Variants in RPTOR observed in about 807,000 individuals in gnomAD.
RPTOR encodes the protein regulatory associated protein of MTOR complex 1.
In RPTOR, 21 loss-of-function variants were observed where a neutral mutation model predicts 169.9. That is an observed-to-expected ratio of 0.12 (90% CI 0.09 to 0.18). RPTOR has a LOEUF of 0.18. RPTOR is among the 10% of genes least tolerant of loss of function. The pLI, the probability that RPTOR is intolerant of heterozygous loss-of-function variation, is 1.00. For missense variants in RPTOR, 1,133 were observed against 1,855.9 expected (o/e 0.61, Z 7.16); for synonymous variants, 732 against 753.2 (o/e 0.97, Z 0.46).
At chr17:80,622,024 A>G (rs987239539) in intron 1 of RPTOR, among the ~76,000 whole-genome samples, 6 of 152,184 alleles carry the variant, frequency 3.9e-5, no homozygotes, top group Non-Finnish European at 8.8e-5. Flanking sequence ...GGAGCCTAAC[A>G]TCAGTTTAAG....
At chr17:80,634,916 CTG>C (rs201559974) in intron 2 of RPTOR, among the ~76,000 whole-genome samples, 1 of 150,634 alleles carries the variant, frequency 6.6e-6, no homozygotes, top group Admixed American at 6.6e-5. Flanking sequence ...CGTGTGCATA[CTG>C]TGTGTGCATA....
chr17:80,921,480 T>G (rs1029612018), intron 21 of RPTOR, among the ~76,000 whole-genome samples: 2 of 152,136 alleles, frequency 1.3e-5, no homozygotes, highest in Admixed American at 1.3e-4. Context: ...CCTCGCGAGG[T>G]CATGTCGGTG....
At chr17:80,795,170 A>C (rs1598308766) in intron 7 of RPTOR, among the ~76,000 whole-genome samples, 1 of 152,326 alleles carries the variant, frequency 6.6e-6, no homozygotes, top group South Asian at 2.1e-4. Context: ...GGGCCTGGGG[A>C]GCGAGGGGTG....
rs757801120 is a variant in RPTOR at position 80,844,641 on chromosome 17, C to T, written c.1213-1832C>T. 5.9e-5 allele frequency among the ~76,000 whole-genome samples: 9 copies of T among 152,224 alleles called. No individual in the cohort carries two copies. Among genetic ancestry groups the T allele is most frequent in the Non-Finnish European group, 8.8e-5 (6 of 68,048 alleles). ...TCTGTAAGCTGGCTGCACAGGAGCA[C>T]GGATTCCTACGTGGTGAATGTTCTC... On this transcript the variant is annotated intron_variant, in intron 10 of 33. Coordinates refer to ENST00000306801, the MANE Select transcript of RPTOR (RefSeq NM_020761.3). The surrounding 1 kb of genome is among the most constrained non-coding windows in gnomAD (Gnocchi z 4.7).
intron 21 of RPTOR, among the ~76,000 whole-genome samples, chr17:80,918,336 G>C (rs904730723): frequency 6.6e-6 from 1 of 152,204 alleles, no homozygotes; most frequent in Non-Finnish European, 1.5e-5. Flanking sequence ...CCAGGCTCTG[G>C]GGTGGCGGCC....
intron 1 of RPTOR, among the ~76,000 whole-genome samples, chr17:80,574,210 T>C (rs2143324132): frequency 6.7e-6 from 1 of 148,724 alleles, no homozygotes; most frequent in Admixed American, 6.7e-5. Context: ...CAGGCCGGAC[T>C]GCGGACTGCA....
At chr17:80,814,308 A>T (rs2067302575) in intron 7 of RPTOR, among the ~76,000 whole-genome samples, 1 of 152,194 alleles carries the variant, frequency 6.6e-6, no homozygotes, top group African/African-American at 2.4e-5. Context: ...AAAGAATTAA[A>T]ATCATCCATT....
At chr17:80,901,381 T>TC (rs1359668210) in intron 20 of RPTOR, among the ~76,000 whole-genome samples, 1 of 151,136 alleles carries the variant, frequency 6.6e-6, no homozygotes, top group Non-Finnish European at 1.5e-5. Context: ...ATTCCTGACT[T>TC]TTTTTTTTTT....
At chr17:80,696,609 G>C (rs970293612) in intron 3 of RPTOR, among the ~76,000 whole-genome samples, 1 of 152,224 alleles carries the variant, frequency 6.6e-6, no homozygotes, top group Non-Finnish European at 1.5e-5. Flanking sequence ...GGGCAAGGCC[G>C]GCTGGTGCGT....
chr17:80,782,134 T>C (rs2066947991), intron 6 of RPTOR, among the ~76,000 whole-genome samples: 3 of 152,186 alleles, frequency 2.0e-5, no homozygotes, highest in Non-Finnish European at 2.9e-5. Flanking sequence ...GGGTTGTCAC[T>C]GAGTAGTAAG....
intron 1 of RPTOR, among the ~76,000 whole-genome samples, chr17:80,551,202 A>T (rs970496622): frequency 6.6e-6 from 1 of 152,102 alleles, no homozygotes; most frequent in Non-Finnish European, 1.5e-5. Context: ...GGATTTTTTG[A>T]AAGTGTGAAG....
intron 1 of RPTOR, among the ~76,000 whole-genome samples, chr17:80,612,636 T>C (rs2065279471): frequency 6.6e-6 from 1 of 152,234 alleles, no homozygotes; most frequent in Non-Finnish European, 1.5e-5. Flanking sequence ...TTCTTCGACT[T>C]TTAATTGAAA....
chr17:80,707,720 A>G lies in RPTOR; in HGVS notation c.349-121A>G, dbSNP rs9900445. On this transcript the variant is annotated intron_variant, in intron 3 of 33. Coordinates refer to ENST00000306801, the MANE Select transcript of RPTOR (RefSeq NM_020761.3). This position sits in a 1 kb window ranked among gnomAD's most constrained non-coding sequence, Gnocchi z 5.0. ...CCTGGTTTTATAGATGGAGAAACTCAGAGCCATGTGTCCAGGACCACACAG... is the reference window on the plus strand; with the variant it reads ...CCTGGTTTTATAGATGGAGAAACTCGGAGCCATGTGTCCAGGACCACACAG... 176,357 of 900,222 alleles carry G rather than the reference A, an allele frequency of 0.2. 21,696 individuals carry two copies. Among genetic ancestry groups the G allele is most frequent in the African/African-American group, 0.53 (31,648 of 59,612 alleles). 55.8% of individuals were successfully genotyped at this position (900,222 alleles called of 1,614,324 possible). A position where few individuals can be genotyped will look rare whatever the true frequency, so the allele number is the denominator to read the frequency against.
intron 21 of RPTOR, among the ~76,000 whole-genome samples, chr17:80,919,943 C>T (rs778724762): frequency 8.3e-4 from 126 of 152,342 alleles, no homozygotes; most frequent in African/African-American, 1.8e-3. Flanking sequence ...CTGAGAAGGG[C>T]GCCGTGTCCT....
intron 13 of RPTOR, among the ~76,000 whole-genome samples, chr17:80,875,625 C>T (rs1482307254): frequency 2.6e-5 from 4 of 152,232 alleles, no homozygotes; most frequent in South Asian, 2.1e-4. Context: ...TTCACGCTGC[C>T]GGCACCGTGC....
At chr17:80,810,083 AT>A (rs1158379852) in intron 7 of RPTOR, among the ~76,000 whole-genome samples, 3 of 140,036 alleles carry the variant, frequency 2.1e-5, no homozygotes, top group African/African-American at 8.2e-5. Context: ...AAATAAATAA[AT>A]AAATAAATAA....
chr17:80,937,896 A>T (rs1176377826), intron 24 of RPTOR, among the ~76,000 whole-genome samples: 1 of 152,194 alleles, frequency 6.6e-6, no homozygotes, highest in Admixed American at 6.5e-5. Flanking sequence ...ACTTCTGCCC[A>T]TGCTTGTCCT....
chr17:80,763,487 C>T (rs7215564), intron 6 of RPTOR, among the ~76,000 whole-genome samples: 128,109 of 152,178 alleles, frequency 0.84, 54,606 homozygotes, highest in East Asian at 1. Context: ...AACGTGGCCT[C>T]GAACGAGATA....
chr17:80,708,875 G>A lies in RPTOR; in HGVS notation c.507+876G>A, dbSNP rs753056952. On this transcript the variant is annotated intron_variant, in intron 4 of 33. Transcript: ENST00000306801. The surrounding 1 kb of genome is among the most constrained non-coding windows in gnomAD (Gnocchi z 4.2). ...TCCAGCAAATCCGAGTCCCAGTTTC[G>A]GTTGTGCTGTCAGCCTCCTGGGCTT... 1.2e-4 allele frequency: 115 copies of A among 954,308 alleles called. No homozygotes were observed. Among genetic ancestry groups the A allele is most frequent in the South Asian group, 5.3e-4 (11 of 20,634 alleles). The allele number at this position is 954,308 out of a possible 1,614,324, so 59.1% of individuals were successfully genotyped here.
Sources: gnomAD v4.1 joint callset for allele counts (sites outside exome capture counted in the v4.1 genomes callset) on GRCh38, gnomAD v4.1.1 for gene constraint, Gnocchi (gnomAD v3.1) non-coding constraint, MANE v1.5 for transcripts, NCBI Gene and HGNC (gene_info 2026-07-23, HGNC 2026-07-21) for gene names.